The following OPCML variants were observed in gnomAD, a reference collection of about 807,000 sequenced individuals.
OPCML encodes the protein opioid-binding protein/cell adhesion molecule.
A neutral mutation model predicts 37.8 loss-of-function variants in OPCML; 13 were observed. The ratio of observed to expected loss-of-function variants is 0.34; its 90% CI spans 0.22 to 0.55. OPCML has a LOEUF of 0.55. Ranked by LOEUF, OPCML falls within the 20% of genes least tolerant of loss-of-function variation. The probability of loss-of-function intolerance (pLI) is 0.91; values close to 1 mark genes in which losing one functional copy is unlikely to be tolerated. For missense variants in OPCML, 341 were observed against 435.6 expected, an observed-to-expected ratio of 0.78 and a Z score of 1.93; for synonymous variants, 176 against 168.8, an observed-to-expected ratio of 1.04 and a Z score of -0.33.
chr11:132,874,154 T>G (rs1048191240), intron 2 of OPCML, among the ~76,000 whole-genome samples: 1 of 152,184 alleles, frequency 6.6e-6, no homozygotes, highest in Non-Finnish European at 1.5e-5. Context: ...TATATACTTC[T>G]TTTCTCCCCA....
chr11:132,970,332 A>G (rs1272977956), intron 1 of OPCML, among the ~76,000 whole-genome samples: 1 of 152,154 alleles, frequency 6.6e-6, no homozygotes, highest in Non-Finnish European at 1.5e-5. Context: ...CCCTTTTGGG[A>G]AGGGTGTGTT....
chr11:133,446,429 T>C lies in OPCML; in HGVS notation c.61+85835A>G, dbSNP rs563885415. Among the ~76,000 whole-genome samples, 191 of 152,302 alleles carry C rather than the reference T, an allele frequency of 1.3e-3. 1 individual carries two copies. Among genetic ancestry groups the C allele is most frequent in the African/African-American group, 4.5e-3 (186 of 41,560 alleles). ...ACTATAATATAACTAGTTTATTTTATTTTATTCTTTTTAGAGTCAGGGTCT... is the reference window on the plus strand; with the variant it reads ...ACTATAATATAACTAGTTTATTTTACTTTATTCTTTTTAGAGTCAGGGTCT... On this transcript the variant is annotated intron_variant, in intron 1 of 7. Coordinates refer to ENST00000524381, the MANE Select transcript of OPCML (RefSeq NM_001012393.5).
chr11:132,520,604 T>C lies in OPCML; in HGVS notation c.505+8457A>G, dbSNP rs1024038101. 5.9e-5 allele frequency among the ~76,000 whole-genome samples: 9 copies of C among 151,924 alleles called. 1 individual carries two copies. Among genetic ancestry groups the C allele is most frequent in the African/African-American group, 2.2e-4 (9 of 41,458 alleles). ...GTCGATCCACAGGAAGTTGCAAAAA[T>C]GGTAGAGATAGGTACCCAGTACTAT... On this transcript the variant is annotated intron_variant, in intron 4 of 7. Coordinates refer to ENST00000524381, the MANE Select transcript of OPCML (RefSeq NM_001012393.5).
Position 133,250,246 on chromosome 11 carries a change from A to C in OPCML, c.61+282018T>G, listed in dbSNP as rs930764166. ...CTCTTATGTATTTCTGTTATAATCCAATTAGAAATGTTACTTGAGGAATTT... is the reference window on the plus strand; with the variant it reads ...CTCTTATGTATTTCTGTTATAATCCCATTAGAAATGTTACTTGAGGAATTT... On this transcript the variant is annotated intron_variant, in intron 1 of 7. Transcript: ENST00000524381. Among the ~76,000 whole-genome samples, 32 of 152,372 alleles carry C rather than the reference A, an allele frequency of 2.1e-4. 1 individual carries two copies. The South Asian group carries it at 3.5e-3, about 17-fold the overall frequency.
intron 2 of OPCML, among the ~76,000 whole-genome samples, chr11:132,758,249 C>T (rs985007937): frequency 1.3e-5 from 2 of 152,152 alleles, no homozygotes; most frequent in African/African-American, 4.8e-5. Context: ...ATGCCTCCAA[C>T]TTTGTTCTTT....
intron 1 of OPCML, among the ~76,000 whole-genome samples, chr11:133,409,395 T>A (rs1044592215): frequency 6.6e-6 from 1 of 152,120 alleles, no homozygotes; most frequent in Non-Finnish European, 1.5e-5. Flanking sequence ...AGCTTTAAGG[T>A]GAGGTGTAAA....
At chr11:133,201,119 G>A (rs772835431) in intron 1 of OPCML, among the ~76,000 whole-genome samples, 4 of 152,022 alleles carry the variant, frequency 2.6e-5, no homozygotes, top group Non-Finnish European at 5.9e-5. Flanking sequence ...ATAGATACAG[G>A]GGCCCACTTG....
At chr11:132,553,277 A>G (rs1428276013) in intron 3 of OPCML, among the ~76,000 whole-genome samples, 1 of 152,218 alleles carries the variant, frequency 6.6e-6, no homozygotes, top group Non-Finnish European at 1.5e-5. Context: ...ATCGTGGCTT[A>G]TGGATCAGAA....
At chr11:133,509,708 C>T (rs757991216) in intron 1 of OPCML, among the ~76,000 whole-genome samples, 1 of 152,176 alleles carries the variant, frequency 6.6e-6, no homozygotes, top group Non-Finnish European at 1.5e-5. Flanking sequence ...CGAGGTCATA[C>T]GGGTTGTTAG....
chr11:132,790,821 G>A (rs1467458707), intron 2 of OPCML, among the ~76,000 whole-genome samples: 1 of 152,136 alleles, frequency 6.6e-6, no homozygotes, highest in Non-Finnish European at 1.5e-5. Context: ...CCAATATTTT[G>A]GTTATGGGAA....
chr11:132,513,538 A>T (rs1228892383), intron 4 of OPCML, among the ~76,000 whole-genome samples: 3 of 152,182 alleles, frequency 2.0e-5, no homozygotes, highest in Admixed American at 6.5e-5. Context: ...ACAAGTTCAT[A>T]CTTTATGCTT....
At chr11:132,638,173 A>C (rs1565734292) in intron 3 of OPCML, among the ~76,000 whole-genome samples, 1 of 20,208 alleles carries the variant, frequency 4.9e-5, no homozygotes, top group Non-Finnish European at 9.2e-5. Context: ...CTATATATAT[A>C]TATATATATA....
At chr11:132,569,198 G>A (rs1279237761) in intron 3 of OPCML, among the ~76,000 whole-genome samples, 5 of 152,156 alleles carry the variant, frequency 3.3e-5, no homozygotes, top group Non-Finnish European at 7.3e-5. Context: ...TCTATAAAGA[G>A]GTAATCAAAG....
chr11:132,438,976 G>T (rs1336471947), intron 4 of OPCML, among the ~76,000 whole-genome samples: 6 of 152,092 alleles, frequency 3.9e-5, no homozygotes, highest in Non-Finnish European at 5.9e-5. Flanking sequence ...TCAGTCTCTG[G>T]ATACTGGCTA....
intron 1 of OPCML, among the ~76,000 whole-genome samples, chr11:133,001,462 A>T (rs1245982843): frequency 6.6e-6 from 1 of 152,194 alleles, no homozygotes; most frequent in Non-Finnish European, 1.5e-5. Context: ...TCATTGGGTG[A>T]CTTTAGCATT....
chr11:132,927,237 C>T (rs894073160), intron 2 of OPCML, among the ~76,000 whole-genome samples: 2 of 152,048 alleles, frequency 1.3e-5, no homozygotes, highest in African/African-American at 4.8e-5. Flanking sequence ...AGGATACCCA[C>T]AGTGAGATAC....
chr11:133,163,028 T>C (rs966055376), intron 1 of OPCML, among the ~76,000 whole-genome samples: 3 of 152,210 alleles, frequency 2.0e-5, no homozygotes, highest in African/African-American at 7.2e-5. Context: ...AAAGATGCAA[T>C]GATAACATAG....
At chr11:133,433,911 C>T (rs1591494514) in intron 1 of OPCML, among the ~76,000 whole-genome samples, 2 of 152,294 alleles carry the variant, frequency 1.3e-5, no homozygotes, top group Admixed American at 6.5e-5. Flanking sequence ...CAGAAGCCAT[C>T]CTAGGGCAGA....
At chr11:133,277,798 T>A (rs1180775312) in intron 1 of OPCML, among the ~76,000 whole-genome samples, 2 of 151,980 alleles carry the variant, frequency 1.3e-5, no homozygotes, top group South Asian at 2.1e-4. Context: ...AATATACATA[T>A]AATGTATGTA....
Sources: allele counts gnomAD v4.1 joint callset (sites outside exome capture counted in the v4.1 genomes callset), GRCh38; gene constraint gnomAD v4.1.1; transcripts MANE v1.5; gene names NCBI Gene and HGNC (gene_info 2026-07-23, HGNC 2026-07-21).